LINGO2: variants seen among roughly 807,000 people sequenced by gnomAD.
LINGO2 encodes the protein leucine-rich repeat and immunoglobulin-like domain-containing nogo receptor-interacting protein 2.
LINGO2 carries 14 observed loss-of-function variants against 30.6 expected under a neutral mutation model. The observed-to-expected ratio is 0.46, with a 90% CI of 0.30 to 0.72. The LOEUF (loss-of-function observed/expected upper bound fraction) is 0.72, where lower values mean the gene tolerates loss of function less well. Among genes scored for constraint, LINGO2 ranks in the 30% least tolerant of loss-of-function variants. The probability of loss-of-function intolerance (pLI) is 0.07; values close to 1 mark genes in which losing one functional copy is unlikely to be tolerated. For missense variants in LINGO2, 729 were observed against 751.7 expected, an observed-to-expected ratio of 0.97 and a Z score of 0.35; for synonymous variants, 317 against 288.5, an observed-to-expected ratio of 1.10 and a Z score of -1.00.
the LINGO2 span, among the ~76,000 whole-genome samples, chr9:29,083,136 A>G: frequency 5.2e-4 from 79 of 152,290 alleles, no homozygotes; most frequent in African/African-American, 1.9e-3. Flanking sequence ...ATGCACACGT[A>G]TGTTTATTGT....
chr9:29,053,211 C>A, the LINGO2 span, among the ~76,000 whole-genome samples: 11 of 152,056 alleles, frequency 7.2e-5, no homozygotes, highest in African/African-American at 2.4e-4. Flanking sequence ...AAATGATAAT[C>A]TTAATACACT....
At chr9:28,195,887 G>A (rs1483678390) in intron 4 of LINGO2, among the ~76,000 whole-genome samples, 1 of 151,450 alleles carries the variant, frequency 6.6e-6, no homozygotes, top group African/African-American at 2.4e-5. Context: ...TCAATGTAAA[G>A]GTTCTATATA....
In LINGO2 at chr9:28,503,875, A is replaced by G. The variant is rs1338328804; in HGVS notation, c.-364-27850T>C. Among the ~76,000 whole-genome samples, 3 of 152,006 alleles carry G rather than the reference A, an allele frequency of 2.0e-5. No individual in the cohort carries two copies. The East Asian group carries it at 5.8e-4, about 29-fold the overall frequency. On this transcript the variant is annotated intron_variant, in intron 1 of 5. Coordinates refer to ENST00000379992, the Ensembl canonical transcript of LINGO2. ...GATACGGGGGGAAAAAAAACAATAA[A>G]AATAAAAAACCAGACAGATTGACCA...
At chr9:27,983,531 C>T (rs955022370) in intron 5 of LINGO2, among the ~76,000 whole-genome samples, 2 of 151,850 alleles carry the variant, frequency 1.3e-5, no homozygotes, top group Non-Finnish European at 2.9e-5. Flanking sequence ...CATATAAAGA[C>T]ATGATGCTTT....
the LINGO2 span, among the ~76,000 whole-genome samples, chr9:28,759,613 C>T: frequency 6.6e-5 from 10 of 151,256 alleles, no homozygotes; most frequent in South Asian, 4.2e-4. Flanking sequence ...ACCCGGGAGG[C>T]GGAGCTTGCA....
At chr9:28,189,263 G>T (rs1819663299) in intron 4 of LINGO2, among the ~76,000 whole-genome samples, 1 of 82,658 alleles carries the variant, frequency 1.2e-5, no homozygotes, top group Non-Finnish European at 2.4e-5. Flanking sequence ...GAGGAAGGAA[G>T]GGAGGGAGGA....
chr9:28,702,645 G>A, the LINGO2 span, among the ~76,000 whole-genome samples: 2 of 151,908 alleles, frequency 1.3e-5, no homozygotes, highest in Admixed American at 1.3e-4. Flanking sequence ...TAATGCTGTT[G>A]TCATAGAATG....
At chr9:28,126,937 G>T (rs1396670979) in intron 4 of LINGO2, among the ~76,000 whole-genome samples, 1 of 152,134 alleles carries the variant, frequency 6.6e-6, no homozygotes, top group Non-Finnish European at 1.5e-5. Context: ...GGAAATAAAT[G>T]TATACCTAAC....
chr9:29,145,878 C>T, the LINGO2 span, among the ~76,000 whole-genome samples: 1 of 152,038 alleles, frequency 6.6e-6, no homozygotes, highest in Non-Finnish European at 1.5e-5. Context: ...TATATAAACA[C>T]ACACAAAGAT....
In LINGO2 at chr9:28,499,763, T is replaced by C. The variant is rs534961207; in HGVS notation, c.-364-23738A>G. Among the ~76,000 whole-genome samples, 14 of 152,322 alleles carry C rather than the reference T, an allele frequency of 9.2e-5. No homozygotes were observed. In the East Asian group the frequency reaches 2.7e-3, roughly 29 times the overall value. ...TTCCCACTGAAAAGCCATCACTTTA[T>C]AGATGTGACATTTCCAAAGAAGTTT... On this transcript the variant is annotated intron_variant, in intron 1 of 5. Coordinates refer to ENST00000379992, the Ensembl canonical transcript of LINGO2.
chr9:28,560,709 C>T (rs965827333), intron 1 of LINGO2, among the ~76,000 whole-genome samples: 3 of 151,808 alleles, frequency 2.0e-5, no homozygotes, highest in Non-Finnish European at 2.9e-5. Context: ...CTCTGTCACC[C>T]AGGTTGGAGT....
chr9:28,550,441 T>C (rs1822213110), intron 1 of LINGO2, among the ~76,000 whole-genome samples: 1 of 151,884 alleles, frequency 6.6e-6, no homozygotes, highest in African/African-American at 2.4e-5. Flanking sequence ...TTTTTATTTC[T>C]ATTAGTTCTA....
At chr9:28,152,728 C>T (rs79739270) in intron 4 of LINGO2, among the ~76,000 whole-genome samples, 2 of 151,980 alleles carry the variant, frequency 1.3e-5, no homozygotes, top group South Asian at 4.1e-4. Flanking sequence ...CAGAGTGGAT[C>T]AAATAATTAA....
chr9:28,991,364 G>C, the LINGO2 span, among the ~76,000 whole-genome samples: 1 of 151,548 alleles, frequency 6.6e-6, no homozygotes, highest in African/African-American at 2.4e-5. Context: ...ATGGGACTAT[G>C]TGAAAAGACC....
In LINGO2 at chr9:28,147,530, G is replaced by A. The variant is rs975275782; in HGVS notation, c.-86-135125C>T. Among the ~76,000 whole-genome samples, 1 of 152,184 alleles carries A rather than the reference G, an allele frequency of 6.6e-6. No individual in the cohort carries two copies. Among genetic ancestry groups the A allele is most frequent in the Non-Finnish European group, 1.5e-5 (1 of 68,026 alleles). ...GAGGCACTGGAGAGGCCCCGGGGGAGCCTGGCGGGATCTGGCTGGTCCTGT... is the reference window on the plus strand; with the variant it reads ...GAGGCACTGGAGAGGCCCCGGGGGAACCTGGCGGGATCTGGCTGGTCCTGT... On this transcript the variant is annotated intron_variant, in intron 4 of 5. Coordinates refer to ENST00000379992, the Ensembl canonical transcript of LINGO2. The surrounding 1 kb of genome is among the most constrained non-coding windows in gnomAD (Gnocchi z 4.7).
intron 5 of LINGO2, among the ~76,000 whole-genome samples, chr9:28,011,954 AG>A (rs1315505675): frequency 1.3e-5 from 2 of 150,758 alleles, no homozygotes; most frequent in East Asian, 3.8e-4. Context: ...TCTGAAGGAC[AG>A]TCACATTGTG....
At chr9:28,475,573 T>A (rs1825699705) in intron 2 of LINGO2, among the ~76,000 whole-genome samples, 1 of 152,194 alleles carries the variant, frequency 6.6e-6, no homozygotes. Flanking sequence ...TAGTCTTATA[T>A]CTTTAAGCTC....
chr9:28,942,900 A>G, the LINGO2 span, among the ~76,000 whole-genome samples: 2 of 152,212 alleles, frequency 1.3e-5, no homozygotes, highest in African/African-American at 4.8e-5. Context: ...AAATGTGATC[A>G]TTACATTTAT....
intron 4 of LINGO2, among the ~76,000 whole-genome samples, chr9:28,244,833 A>AC (rs1484302399): frequency 1.4e-5 from 2 of 143,084 alleles, no homozygotes; most frequent in African/African-American, 5.2e-5. Context: ...AAAAAAAAAA[A>AC]GCCCAGGACC....
Sources: gnomAD v4.1 joint callset for allele counts (sites outside exome capture counted in the v4.1 genomes callset) on GRCh38, gnomAD v4.1.1 for gene constraint, Gnocchi (gnomAD v3.1) non-coding constraint, MANE v1.5 for transcripts, NCBI Gene and HGNC (gene_info 2026-07-23, HGNC 2026-07-21) for gene names.